The following SMC6 variants were observed in gnomAD, a reference collection of about 807,000 sequenced individuals.
SMC6 encodes structural maintenance of chromosomes 6.
A neutral mutation model predicts 142.2 loss-of-function variants in SMC6; 79 were observed. That is an observed-to-expected ratio of 0.56 (90% CI 0.46 to 0.67). The LOEUF (loss-of-function observed/expected upper bound fraction) is 0.67. Among genes scored for constraint, SMC6 ranks in the 30% least tolerant of loss-of-function variants. SMC6 has a pLI of 0.00. For synonymous variants in SMC6, 411 were observed against 412.4 expected, an observed-to-expected ratio of 1.00 and a Z score of 0.04; for missense variants, 1,072 against 1,284.0, an observed-to-expected ratio of 0.83 and a Z score of 2.52.
In SMC6 at chr2:17,716,924, AAGTGAAAAATGTT is replaced by A; in HGVS notation, c.1182-32_1182-20del. 1 of 1,585,336 alleles carries A rather than the reference AAGTGAAAAATGTT, an allele frequency of 6.3e-7. No homozygotes were observed. Among genetic ancestry groups the A allele is most frequent in the Non-Finnish European group, 8.5e-7 (1 of 1,170,414 alleles). On this transcript the variant is annotated intron_variant, in intron 13 of 27. Coordinates refer to ENST00000448223, the MANE Select transcript of SMC6 (RefSeq NM_001142286.2). ...GTCAGTACTAACAGTAAATAACCCA[AAGTGAAAAATGTT>A]AGTTCAATGAACAGCCTAACATTTA...
At position 17,753,043 on chromosome 2, in the gene SMC6, G is replaced by T; in HGVS notation, c.-71C>A. ...GTCCTGTTTTCCGCAATTCCCAATT[G>T]GGATTCTTCTCCGGTTCATTTCTGT... On this transcript the variant is annotated 5_prime_UTR_variant, in exon 2 of 28. Transcript: ENST00000448223. The T allele has an allele frequency of 1.0e-6, 1 of 984,488 alleles. No homozygotes were observed. The highest frequency in any genetic ancestry group is 1.7e-5 in the African/African-American group (1 of 57,294). 61.0% of individuals were successfully genotyped at this position (984,488 alleles called of 1,614,324 possible).
chr2:17,673,171 T>C (rs1666844840), intron 25 of SMC6, among the ~76,000 whole-genome samples: 1 of 152,224 alleles, frequency 6.6e-6, no homozygotes, highest in Admixed American at 6.5e-5. Context: ...CGCTTTTTCA[T>C]GTGTTTACTC....
At chr2:17,701,689 C>A in intron 20 of SMC6, 140 bp downstream of exon 20, 1 of 573,114 alleles carries the variant, frequency 1.7e-6, no homozygotes, top group Non-Finnish European at 3.1e-6. Flanking sequence ...TAGTTTTTAC[C>A]TTCTTGGTGA....
chr2:17,706,845 C>T (rs1668534976), intron 18 of SMC6, among the ~76,000 whole-genome samples: 1 of 152,038 alleles, frequency 6.6e-6, no homozygotes, highest in African/African-American at 2.4e-5. Context: ...GGAGCTTGAG[C>T]CAGAATGTAA....
chr2:17,701,712 A>G, intron 20 of SMC6, 117 bp downstream of exon 20: 1 of 646,336 alleles, frequency 1.5e-6, no homozygotes, highest in Non-Finnish European at 2.7e-6. Context: ...GGAGACAGCA[A>G]TCATAAAGAG....
At chr2:17,688,801 C>A (rs1558335183) in intron 23 of SMC6, among the ~76,000 whole-genome samples, 1 of 152,014 alleles carries the variant, frequency 6.6e-6, no homozygotes, top group Non-Finnish European at 1.5e-5. Context: ...GCAATAATTG[C>A]AAAGTCCATA....
intron 2 of SMC6, among the ~76,000 whole-genome samples, chr2:17,748,977 A>G (rs1323240143): frequency 1.3e-5 from 2 of 152,204 alleles, no homozygotes. Context: ...TTTGCTGAGC[A>G]TGACCTGGGA....
At chr2:17,736,145 G>C (rs1211512384) in intron 5 of SMC6, among the ~76,000 whole-genome samples, 1 of 152,196 alleles carries the variant, frequency 6.6e-6, no homozygotes, top group Non-Finnish European at 1.5e-5. Context: ...TGAGGAAGGG[G>C]ATAGATAAGA....
intron 23 of SMC6, among the ~76,000 whole-genome samples, chr2:17,689,319 C>G (rs1572268678): frequency 1.3e-5 from 2 of 152,042 alleles, no homozygotes; most frequent in East Asian, 3.8e-4. Context: ...AAATGAAATA[C>G]ACGACCCTAG....
At chr2:17,734,334 G>T (rs1335437006) in intron 5 of SMC6, among the ~76,000 whole-genome samples, 1 of 152,068 alleles carries the variant, frequency 6.6e-6, no homozygotes, top group Admixed American at 6.5e-5. Context: ...AATTGGTGTG[G>T]TTTTTCTATA....
intron 23 of SMC6, among the ~76,000 whole-genome samples, chr2:17,687,959 A>C (rs1030675487): frequency 9.9e-5 from 15 of 152,258 alleles, no homozygotes; most frequent in African/African-American, 2.9e-4. Flanking sequence ...CTTTCTGTAG[A>C]TATATATTGT....
intron 1 of SMC6, among the ~76,000 whole-genome samples, chr2:17,753,422 G>A (rs754573144): frequency 6.6e-5 from 10 of 152,236 alleles, no homozygotes; most frequent in South Asian, 2.1e-4. Context: ...CCGCCTCGGA[G>A]AGCGCGCGAA....
intron 2 of SMC6, among the ~76,000 whole-genome samples, chr2:17,749,323 G>A (rs1242548940): frequency 2.6e-5 from 4 of 151,994 alleles, no homozygotes; most frequent in African/African-American, 7.3e-5. Flanking sequence ...CAGAATTAAA[G>A]AACACCTCAT....
At chr2:17,717,487 T>A (rs938177724) in intron 12 of SMC6, among the ~76,000 whole-genome samples, 1 of 152,012 alleles carries the variant, frequency 6.6e-6, no homozygotes, top group South Asian at 2.1e-4. Flanking sequence ...CTGGCTAACA[T>A]GGTGAAACCC....
At chr2:17,718,938 G>GACA (rs1253578723) in intron 11 of SMC6, among the ~76,000 whole-genome samples, 1 of 152,140 alleles carries the variant, frequency 6.6e-6, no homozygotes, top group East Asian at 1.9e-4. Flanking sequence ...ACACAGGGTA[G>GACA]ACAGAAAAAT....
chr2:17,704,763 T>C (rs1668423504), intron 18 of SMC6, among the ~76,000 whole-genome samples: 1 of 152,110 alleles, frequency 6.6e-6, no homozygotes, highest in African/African-American at 2.4e-5. Flanking sequence ...TGCTAGAATT[T>C]TTAAATTACA....
intron 16 of SMC6, among the ~76,000 whole-genome samples, chr2:17,709,506 T>TG (rs1668715352): frequency 6.6e-6 from 1 of 152,180 alleles, no homozygotes; most frequent in South Asian, 2.1e-4. Flanking sequence ...GAAAAGATGG[T>TG]GGTAGCATTC....
At chr2:17,701,725 G>T in intron 20 of SMC6, 104 bp downstream of exon 20, 2 of 687,388 alleles carry the variant, frequency 2.9e-6, no homozygotes, top group African/African-American at 1.9e-5. Flanking sequence ...ATAAAGAGTA[G>T]CTTCAATTAA....
intron 12 of SMC6, among the ~76,000 whole-genome samples, chr2:17,717,769 G>A (rs1375934168): frequency 6.6e-6 from 1 of 152,088 alleles, no homozygotes; most frequent in Non-Finnish European, 1.5e-5. Flanking sequence ...ATCACTTGAG[G>A]CCAAGAGTTC....
Sources: gnomAD v4.1 joint callset for allele counts (sites outside exome capture counted in the v4.1 genomes callset) on GRCh38, gnomAD v4.1.1 for gene constraint, MANE v1.5 for transcripts, NCBI Gene and HGNC (gene_info 2026-07-23, HGNC 2026-07-21) for gene names.